The following ITPR2 variants were observed in gnomAD, a reference collection of about 807,000 sequenced individuals.
The protein encoded by ITPR2 is inositol 1,4,5-trisphosphate receptor type 2.
In ITPR2, 207 loss-of-function variants were observed where a neutral mutation model predicts 317.1. The ratio of observed to expected loss-of-function variants is 0.65; its 90% confidence interval spans 0.58 to 0.73. ITPR2 has a LOEUF of 0.73. ITPR2 is among the 30% of genes least tolerant of loss of function. ITPR2 has a pLI of 0.00. For synonymous variants in ITPR2, 1,156 were observed against 1,149.1 expected, an observed-to-expected ratio of 1.01 and a Z score of -0.12; for missense variants, 2,613 against 3,284.0, an observed-to-expected ratio of 0.80 and a Z score of 4.99.
intron 10 of ITPR2, among the ~76,000 whole-genome samples, chr12:26,691,120 A>G (rs1349099012): frequency 1.3e-5 from 2 of 152,202 alleles, no homozygotes; most frequent in Non-Finnish European, 2.9e-5. Context: ...GTCTGACAGT[A>G]AACTTCAAGC....
chr12:26,345,048 T>C (rs1467753867), intron 55 of ITPR2, among the ~76,000 whole-genome samples: 1 of 152,236 alleles, frequency 6.6e-6, no homozygotes, highest in Admixed American at 6.5e-5. Context: ...GTGTATCTGC[T>C]GGTCTTAATC....
chr12:26,493,217 T>C (rs1439408580), intron 39 of ITPR2, among the ~76,000 whole-genome samples: 1 of 152,182 alleles, frequency 6.6e-6, no homozygotes, highest in Non-Finnish European at 1.5e-5. Context: ...TTGCTGCTCG[T>C]GAGGCCTTTA....
At chr12:26,806,571 G>A (rs78362822) in intron 1 of ITPR2, among the ~76,000 whole-genome samples, 17,310 of 152,260 alleles carry the variant, frequency 0.11, 1,309 homozygotes, top group Non-Finnish European at 0.17. Context: ...AGGGGAAAGA[G>A]AAGAATAAAT....
intron 2 of ITPR2, among the ~76,000 whole-genome samples, chr12:26,738,220 A>T (rs1178756842): frequency 6.6e-6 from 1 of 152,236 alleles, no homozygotes; most frequent in East Asian, 1.9e-4. Context: ...CAGAGGTAGG[A>T]TTCAAACCCA....
In ITPR2 at chr12:26,387,596, T is replaced by C. The variant is rs757284672; in HGVS notation, c.7697-2A>G. The C allele has an allele frequency of 6.2e-7, 1 of 1,612,748 alleles. No individual in the cohort carries two copies. Among genetic ancestry groups the C allele is most frequent in the Non-Finnish European group, 8.5e-7 (1 of 1,179,332 alleles). On this transcript the variant is annotated splice_acceptor_variant, in intron 54 of 56. Coordinates refer to ENST00000381340, the MANE Select transcript of ITPR2 (RefSeq NM_002223.4). LOFTEE classifies it high-confidence loss of function. ...TATCAAACTTGTCTCTCTCAAGTCC[T>C]GAAAAACACAGGCAACACAATATAT...
Position 26,483,972 on chromosome 12 carries a change from T to A in ITPR2, c.5812-74A>T, listed in dbSNP as rs190358605. The stretch of plus-strand genomic sequence containing the variant: ...CTGATTGTTTGCTGTTCTTCCCATA[T>A]GTGTGCTTTTCTAACTTTTCTTTGT... On this transcript the variant is annotated intron_variant, in intron 41 of 56. Transcript: ENST00000381340. 359 of 1,258,456 alleles carry A rather than the reference T, an allele frequency of 2.9e-4. No individual in the cohort carries two copies. The African/African-American group carries it at 4.9e-3, about 17-fold the overall frequency. 78.0% of individuals were successfully genotyped at this position (1,258,456 alleles called of 1,614,324 possible). A position where few individuals can be genotyped will look rare whatever the true frequency, so the allele number is the denominator to read the frequency against.
intron 55 of ITPR2, among the ~76,000 whole-genome samples, chr12:26,376,954 C>T (rs1397590714): frequency 6.6e-6 from 1 of 152,120 alleles, no homozygotes; most frequent in Non-Finnish European, 1.5e-5. Context: ...GTCTCCAACT[C>T]CTGACCTCAG....
intron 21 of ITPR2, chr12:26,648,894 G>A (rs969581229): frequency 2.6e-5 from 4 of 152,048 alleles, no homozygotes; most frequent in Non-Finnish European, 5.9e-5. Context: ...CTTCTGTTAA[G>A]AATTTATACA....
intron 21 of ITPR2, among the ~76,000 whole-genome samples, chr12:26,652,485 C>T (rs979148888): frequency 2.6e-5 from 4 of 152,190 alleles, no homozygotes; most frequent in African/African-American, 9.7e-5. Flanking sequence ...CCTTTTAATA[C>T]TGTAGTGGAT....
intron 37 of ITPR2, among the ~76,000 whole-genome samples, chr12:26,546,769 A>G (rs939593337): frequency 6.6e-6 from 1 of 152,222 alleles, no homozygotes; most frequent in East Asian, 1.9e-4. Context: ...CAGCCAACTG[A>G]TCTTCAACAA....
chr12:26,510,560 C>G (rs1465561662), intron 37 of ITPR2, among the ~76,000 whole-genome samples: 2 of 152,200 alleles, frequency 1.3e-5, no homozygotes, highest in African/African-American at 4.8e-5. Flanking sequence ...CACTGTTAAG[C>G]AGTCAGGTCG....
intron 21 of ITPR2, chr12:26,649,457 T>C (rs924341626): frequency 6.6e-6 from 1 of 152,192 alleles, no homozygotes; most frequent in African/African-American, 2.4e-5. Flanking sequence ...GCCAATAATA[T>C]CTTCTATAGA....
At chr12:26,522,294 T>A (rs928828128) in intron 37 of ITPR2, among the ~76,000 whole-genome samples, 3 of 152,222 alleles carry the variant, frequency 2.0e-5, no homozygotes, top group African/African-American at 4.8e-5. Context: ...GATGTTCTAA[T>A]GCTATCTCTG....
At chr12:26,402,413 T>C (rs746051499) in intron 52 of ITPR2, among the ~76,000 whole-genome samples, 8 of 152,196 alleles carry the variant, frequency 5.3e-5, no homozygotes, top group Non-Finnish European at 8.8e-5. Flanking sequence ...GCTTAGTAAA[T>C]GCTGATTAAT....
chr12:26,423,677 G>A (rs1940961629), intron 49 of ITPR2, among the ~76,000 whole-genome samples: 1 of 152,004 alleles, frequency 6.6e-6, no homozygotes, highest in Admixed American at 6.6e-5. Context: ...AATATTAAGT[G>A]ACCCCAAATT....
At chr12:26,461,617 A>G (rs1942020845) in intron 45 of ITPR2, among the ~76,000 whole-genome samples, 1 of 134,560 alleles carries the variant, frequency 7.4e-6, no homozygotes, top group Non-Finnish European at 1.6e-5. Flanking sequence ...AAGAAAAAGA[A>G]AAGCATATAA....
chr12:26,561,037 G>A (rs1365240701), intron 35 of ITPR2, among the ~76,000 whole-genome samples: 1 of 152,180 alleles, frequency 6.6e-6, no homozygotes, highest in Non-Finnish European at 1.5e-5. Context: ...TAGAGCTAGG[G>A]CTTTCAAAAG....
chr12:26,815,481 C>T (rs1016769268), intron 1 of ITPR2, among the ~76,000 whole-genome samples: 4 of 152,016 alleles, frequency 2.6e-5, no homozygotes, highest in Admixed American at 2.0e-4. Context: ...ATGTTCTAAT[C>T]GGGATGAAAT....
At chr12:26,790,250 A>G (rs754744763) in intron 1 of ITPR2, 23 bp from the exon 2 acceptor site, 4 of 1,568,468 alleles carry the variant, frequency 2.6e-6, no homozygotes, top group African/African-American at 1.3e-5. Context: ...GCATGTTTAC[A>G]TTGTTAACAT....
Sources: allele counts gnomAD v4.1 joint callset (sites outside exome capture counted in the v4.1 genomes callset), GRCh38; gene constraint gnomAD v4.1.1; transcripts MANE v1.5; gene names NCBI Gene and HGNC (gene_info 2026-07-23, HGNC 2026-07-21).